The following RNF150 variants were observed in gnomAD, a reference collection of about 807,000 sequenced individuals.
The protein encoded by RNF150 is ring finger protein 150.
In RNF150, 24 loss-of-function variants were observed where a neutral mutation model predicts 39.3. The observed-to-expected ratio is 0.61, with a 90% CI of 0.44 to 0.86. The LOEUF (loss-of-function observed/expected upper bound fraction) is 0.86, where lower values mean the gene tolerates loss of function less well. RNF150 is among the 40% of genes least tolerant of loss of function. The probability of loss-of-function intolerance (pLI) is 0.00; values close to 1 mark genes in which losing one functional copy is unlikely to be tolerated. For synonymous variants in RNF150, 255 were observed against 227.3 expected (o/e 1.12, Z -1.10); for missense variants, 502 against 587.8 (o/e 0.85, Z 1.51).
At chr4:140,946,024 C>T (rs57924198) in intron 4 of RNF150, among the ~76,000 whole-genome samples, 2,291 of 152,278 alleles carry the variant, frequency 0.015, 64 homozygotes, top group African/African-American at 0.052. Flanking sequence ...ACTGAGTAAA[C>T]ACTAAGTGTA....
chr4:140,897,474 C>T (rs1730007571), intron 6 of RNF150, among the ~76,000 whole-genome samples: 1 of 152,090 alleles, frequency 6.6e-6, no homozygotes, highest in South Asian at 2.1e-4. Context: ...AACTACAGCC[C>T]AGGTGGGTGT....
chr4:140,997,875 C>T (rs747213001), intron 1 of RNF150, among the ~76,000 whole-genome samples: 1 of 151,920 alleles, frequency 6.6e-6, no homozygotes, highest in Admixed American at 6.6e-5. Context: ...GACAACAGTA[C>T]AAAAATAGTC....
At chr4:140,997,958 T>A (rs1734443865) in intron 1 of RNF150, among the ~76,000 whole-genome samples, 1 of 152,138 alleles carries the variant, frequency 6.6e-6, no homozygotes, top group African/African-American at 2.4e-5. Flanking sequence ...GAATTCCATA[T>A]CATACTCATG....
intron 1 of RNF150, among the ~76,000 whole-genome samples, chr4:140,969,793 G>C (rs1486380236): frequency 4.9e-5 from 5 of 102,920 alleles, no homozygotes; most frequent in Non-Finnish European, 9.0e-5. Context: ...ACAGAGTCTT[G>C]CTCTGTTGCC....
intron 1 of RNF150, among the ~76,000 whole-genome samples, chr4:141,025,667 G>A (rs1181989285): frequency 1.3e-5 from 2 of 152,112 alleles, no homozygotes; most frequent in African/African-American, 4.8e-5. Context: ...AGAAAAAATA[G>A]CATAGGAGAA....
At chr4:140,959,993 C>T (rs1429096199) in intron 2 of RNF150, among the ~76,000 whole-genome samples, 2 of 152,068 alleles carry the variant, frequency 1.3e-5, no homozygotes, top group Non-Finnish European at 2.9e-5. Flanking sequence ...CACATTGGTA[C>T]CCCCATTCCT....
chr4:140,946,107 T>C (rs559765564), intron 4 of RNF150, among the ~76,000 whole-genome samples: 6 of 152,348 alleles, frequency 3.9e-5, no homozygotes, highest in Admixed American at 2.6e-4. Flanking sequence ...GTTATCTCTA[T>C]TTATGATTTC....
intron 5 of RNF150, among the ~76,000 whole-genome samples, chr4:140,920,705 A>G (rs556637190): frequency 1.3e-5 from 2 of 152,284 alleles, no homozygotes; most frequent in South Asian, 4.2e-4. Context: ...CCTAAGGATT[A>G]TAAACCATGC....
intron 1 of RNF150, among the ~76,000 whole-genome samples, chr4:140,980,577 G>C (rs922748284): frequency 6.6e-6 from 1 of 152,064 alleles, no homozygotes; most frequent in Non-Finnish European, 1.5e-5. Context: ...GAGGAGCTGG[G>C]TGGGAGGTAG....
At chr4:141,175,799 T>C (rs1446412808) in intron 1 of RNF150, among the ~76,000 whole-genome samples, 5 of 152,238 alleles carry the variant, frequency 3.3e-5, no homozygotes, top group Admixed American at 1.3e-4. Context: ...TCTGGTGAAG[T>C]TCCTCTTGCT....
chr4:140,884,930 C>T (rs976043773), intron 6 of RNF150, among the ~76,000 whole-genome samples: 1 of 152,148 alleles, frequency 6.6e-6, no homozygotes, highest in African/African-American at 2.4e-5. Flanking sequence ...GAATTTTCCT[C>T]CTGGGCTTCC....
At chr4:141,168,785 C>T (rs533125499) in intron 1 of RNF150, among the ~76,000 whole-genome samples, 4 of 152,000 alleles carry the variant, frequency 2.6e-5, no homozygotes, top group African/African-American at 7.2e-5. Context: ...CACACACCAG[C>T]GCCTGTCAGG....
At chr4:141,157,687 TA>T (rs35631737) in intron 1 of RNF150, among the ~76,000 whole-genome samples, 57,036 of 152,026 alleles carry the variant, frequency 0.38, 13,095 homozygotes, top group Non-Finnish European at 0.5. Context: ...TTATCATGTT[TA>T]AAAAACTCTA....
intron 4 of RNF150, among the ~76,000 whole-genome samples, chr4:140,939,627 T>C (rs1732001706): frequency 7.2e-6 from 1 of 139,360 alleles, no homozygotes; most frequent in Non-Finnish European, 1.5e-5. Flanking sequence ...TGTGTGTGTG[T>C]GTGTGTGTGT....
At chr4:141,136,253 T>C (rs565727399), upstream of RNF150, among the ~76,000 whole-genome samples, 9 of 152,350 alleles carry the variant, frequency 5.9e-5, no homozygotes, top group East Asian at 1.9e-4. Flanking sequence ...GATATTTATA[T>C]TGTAGTTTTG....
chr4:141,066,259 C>G (rs1216791581), intron 1 of RNF150, among the ~76,000 whole-genome samples: 1 of 151,816 alleles, frequency 6.6e-6, no homozygotes, highest in Non-Finnish European at 1.5e-5. Flanking sequence ...AAAAACCATT[C>G]CTCAGTAATT....
chr4:141,018,733 T>C (rs192428229), intron 1 of RNF150, among the ~76,000 whole-genome samples: 1 of 152,132 alleles, frequency 6.6e-6, no homozygotes, highest in Admixed American at 6.5e-5. Flanking sequence ...CTTGCCAGTG[T>C]AGTCACAAAA....
intron 1 of RNF150, among the ~76,000 whole-genome samples, chr4:141,155,784 G>A (rs1560762178): frequency 6.6e-6 from 1 of 152,194 alleles, no homozygotes; most frequent in Admixed American, 6.5e-5. Flanking sequence ...TCTCTCACCA[G>A]CCAGGAATGC....
intron 1 of RNF150, among the ~76,000 whole-genome samples, chr4:141,158,122 C>T (rs1380585281): frequency 6.6e-6 from 1 of 152,120 alleles, no homozygotes; most frequent in Non-Finnish European, 1.5e-5. Context: ...GAAACCCCAT[C>T]TCTACTAAAA....
Sources: allele counts gnomAD v4.1 joint callset (sites outside exome capture counted in the v4.1 genomes callset), GRCh38; gene constraint gnomAD v4.1.1; transcripts MANE v1.5; gene names NCBI Gene and HGNC (gene_info 2026-07-23, HGNC 2026-07-21).